Variants in RBBP8 observed in about 807,000 individuals in gnomAD.
RBBP8 encodes RB binding protein 8, endonuclease.
In RBBP8, 88 loss-of-function variants were observed where a neutral mutation model predicts 108.3. That is an observed-to-expected ratio of 0.81 (90% CI 0.68 to 0.97). The LOEUF (loss-of-function observed/expected upper bound fraction) is 0.97. Ranked by LOEUF, RBBP8 falls within the 50% of genes least tolerant of loss-of-function variation. RBBP8 has a pLI of 0.00. For synonymous variants in RBBP8, 332 were observed against 348.2 expected, an observed-to-expected ratio of 0.95 and a Z score of 0.52; for missense variants, 1,023 against 1,049.0, an observed-to-expected ratio of 0.98 and a Z score of 0.34.
intron 8 of RBBP8, among the ~76,000 whole-genome samples, chr18:22,987,229 G>A (rs1915390227): frequency 6.6e-6 from 1 of 152,090 alleles, no homozygotes; most frequent in African/African-American, 2.4e-5. Context: ...GAGCAAGAGA[G>A]AGGGAAGGGG....
intron 15 of RBBP8, among the ~76,000 whole-genome samples, chr18:23,003,438 C>T (rs1031824129): frequency 6.6e-6 from 1 of 152,194 alleles, no homozygotes; most frequent in African/African-American, 2.4e-5. Flanking sequence ...CCTTAGCTGT[C>T]TACCTGCTTA....
chr18:23,007,699 GAAAAAA>G (rs367964120), intron 16 of RBBP8, among the ~76,000 whole-genome samples: 2 of 112,536 alleles, frequency 1.8e-5, no homozygotes, highest in East Asian at 5.5e-4. Context: ...CTCCGTCTCA[GAAAAAA>G]AAAAAAAAAA....
intron 4 of RBBP8, among the ~76,000 whole-genome samples, chr18:22,959,064 C>T (rs1912842075): frequency 6.6e-6 from 1 of 152,154 alleles, no homozygotes; most frequent in Admixed American, 6.5e-5. Flanking sequence ...TGGGGATACA[C>T]CAGTGAATGT....
rs192526743 is a variant in RBBP8 at position 23,011,719 on chromosome 18, G to A, written c.2358-5109G>A. Reference sequence around the variant, plus strand: ...CTCCCAAAGTGCTGGGATCACAGGCGTGAGCCACCGTGCCCGGCCTGATGC... The same window carrying A: ...CTCCCAAAGTGCTGGGATCACAGGCATGAGCCACCGTGCCCGGCCTGATGC... On this transcript the variant is annotated intron_variant, in intron 16 of 18. Transcript: ENST00000327155. Among the ~76,000 whole-genome samples the A allele has an allele frequency of 6.0e-3, 907 of 152,196 alleles. 7 individuals are homozygous for A. The highest frequency in any genetic ancestry group is 0.019 in the African/African-American group (796 of 41,536).
intron 3 of RBBP8, among the ~76,000 whole-genome samples, chr18:22,919,539 A>G (rs931696070): frequency 6.6e-6 from 1 of 152,108 alleles, no homozygotes; most frequent in Non-Finnish European, 1.5e-5. Flanking sequence ...AATTTAGCCC[A>G]CTAATTAATC....
intron 4 of RBBP8, among the ~76,000 whole-genome samples, chr18:22,956,806 G>A (rs1447340369): frequency 6.6e-6 from 1 of 152,064 alleles, no homozygotes; most frequent in East Asian, 1.9e-4. Flanking sequence ...GCTCATTTAT[G>A]TTTAATGATT....
chr18:22,920,750 C>T (rs1792628424), intron 3 of RBBP8: 1 of 152,128 alleles, frequency 6.6e-6, no homozygotes, highest in South Asian at 2.1e-4. Context: ...AGTCCATGAC[C>T]ATCTGACTCA....
intron 4 of RBBP8, among the ~76,000 whole-genome samples, chr18:22,968,139 C>G (rs901910383): frequency 2.0e-5 from 3 of 150,980 alleles, no homozygotes; most frequent in African/African-American, 7.3e-5. Flanking sequence ...GTGGCATGAT[C>G]TCAGCTCACT....
At chr18:22,975,507 A>C (rs1914437733) in intron 6 of RBBP8, among the ~76,000 whole-genome samples, 1 of 152,090 alleles carries the variant, frequency 6.6e-6, no homozygotes, top group African/African-American at 2.4e-5. Flanking sequence ...CAGATGTTTG[A>C]GTTTTGTTAG....
At chr18:22,955,238 A>G (rs1232448902) in intron 4 of RBBP8, among the ~76,000 whole-genome samples, 1 of 152,106 alleles carries the variant, frequency 6.6e-6, no homozygotes, top group Non-Finnish European at 1.5e-5. Context: ...ATTTGGTGGC[A>G]GGGAGTCGGG....
At chr18:22,990,829 G>C (rs1161155136) in intron 9 of RBBP8, 108 bp from the exon 10 acceptor site, 2 of 764,000 alleles carry the variant, frequency 2.6e-6, no homozygotes, top group African/African-American at 3.5e-5. Context: ...TGGCTTCTTA[G>C]TATATTTTTG....
At chr18:22,971,516 T>C (rs995818448) in intron 5 of RBBP8, among the ~76,000 whole-genome samples, 1 of 152,196 alleles carries the variant, frequency 6.6e-6, no homozygotes, top group Non-Finnish European at 1.5e-5. Context: ...AATTAAGTTA[T>C]GGATATTTCT....
intron 5 of RBBP8, among the ~76,000 whole-genome samples, chr18:22,973,219 A>G (rs1314518823): frequency 6.6e-6 from 1 of 152,098 alleles, no homozygotes; most frequent in Non-Finnish European, 1.5e-5. Flanking sequence ...CCCTTTTTTA[A>G]AGGCCCTTTT....
chr18:22,962,402 A>G (rs1464947537), intron 4 of RBBP8, among the ~76,000 whole-genome samples: 1 of 152,028 alleles, frequency 6.6e-6, no homozygotes, highest in Non-Finnish European at 1.5e-5. Context: ...ACTCCCTCTC[A>G]TCATTTACAT....
At chr18:22,955,271 C>T (rs567080790) in intron 4 of RBBP8, among the ~76,000 whole-genome samples, 39 of 152,162 alleles carry the variant, frequency 2.6e-4, no homozygotes, top group African/African-American at 2.6e-4. Context: ...ATATGTAGCT[C>T]GTTGTTTTGT....
chr18:22,996,792 T>A (rs2045867286), intron 13 of RBBP8, among the ~76,000 whole-genome samples: 1 of 152,182 alleles, frequency 6.6e-6, no homozygotes, highest in Non-Finnish European at 1.5e-5. Flanking sequence ...AAGCCAGGAA[T>A]TCGAGACCAG....
At chr18:22,985,999 C>T (rs1567978651) in intron 8 of RBBP8, among the ~76,000 whole-genome samples, 1 of 151,874 alleles carries the variant, frequency 6.6e-6, no homozygotes. Flanking sequence ...CCCCCTCCCC[C>T]CAGTCCCTTC....
chr18:23,019,145 C>T (rs1015544333), intron 17 of RBBP8, among the ~76,000 whole-genome samples: 14 of 152,220 alleles, frequency 9.2e-5, no homozygotes, highest in South Asian at 8.3e-4. Flanking sequence ...GAATATATCA[C>T]GATGTCTTAA....
Position 22,993,513 on chromosome 18 carries a change from G to T in RBBP8, c.1686G>T (p.Gln562His). 6.2e-7 allele frequency: 1 copy of T among 1,613,456 alleles called. No individual in the cohort carries two copies. ...EPCSQECIILQPLNKCSPDNK... is the reference protein window; with the variant it reads ...EPCSQECIILHPLNKCSPDNK... ...GTTCACAGGAATGCATCATCCTTCA[G>T]CCCTTGAATAAATGCTCTCCAGACA... The change falls in exon 11 of 19, where the codon CAG (glutamine) becomes CAT (histidine). Residue 562 changes from glutamine to histidine, a missense_variant. Physicochemically the swap from Gln to His is conservative, Grantham distance 24. Transcript: ENST00000327155.
Sources: allele counts gnomAD v4.1 joint callset (sites outside exome capture counted in the v4.1 genomes callset), GRCh38; gene constraint gnomAD v4.1.1; transcripts MANE v1.5; gene names NCBI Gene and HGNC (gene_info 2026-07-23, HGNC 2026-07-21).